PSD: variants seen among roughly 807,000 people sequenced by gnomAD.
The protein encoded by PSD is PH and SEC7 domain-containing protein 1.
Under a neutral mutation model 91.6 loss-of-function variants are expected in PSD, and 32 were observed. The observed-to-expected ratio is 0.35, with a 90% CI of 0.26 to 0.47. The LOEUF (loss-of-function observed/expected upper bound fraction) is 0.47, where lower values mean the gene tolerates loss of function less well. Among genes scored for constraint, PSD ranks in the 20% least tolerant of loss-of-function variants. The probability of loss-of-function intolerance (pLI) is 1.00; values close to 1 mark genes in which losing one functional copy is unlikely to be tolerated. For missense variants in PSD, 1,099 were observed against 1,373.9 expected, an observed-to-expected ratio of 0.80 and a Z score of 3.16; for synonymous variants, 532 against 569.3, an observed-to-expected ratio of 0.93 and a Z score of 0.93.
At chr10:102,408,925 G>A in intron 10 of PSD, 1 of 987,574 alleles carries the variant, frequency 1.0e-6, no homozygotes, top group Non-Finnish European at 1.2e-6. Context: ...TCTGCAGGCG[G>A]CTGACCACCA....
Position 102,405,389 on chromosome 10 carries a change from C to T in PSD, c.2283G>A (p.Gly761=), listed in dbSNP as rs137901601. 8.1e-6 allele frequency: 13 copies of T among 1,613,622 alleles called. No individual in the cohort carries two copies. The highest frequency in any genetic ancestry group is 1.1e-5 in the South Asian group (1 of 91,090). ...PEPGAAVYKH[G]ALVRKVHADP... ...CTGCGTGCACCTTTCGCACCAGGGC[C>T]CCGTGCTTGTAGACGGCAGCCCCAG... The change falls in exon 12 of 17, where the codon GGG becomes GGA. Residue 761 remains glycine (G), a synonymous_variant. Transcript: ENST00000020673. The surrounding 1 kb of genome is among the most constrained non-coding windows in gnomAD (Gnocchi z 5.4).
Position 102,403,920 on chromosome 10 carries a change from C to T in PSD, c.2766G>A (p.Arg922=), listed in dbSNP as rs2061321511. ...KAMASELREH[R]AAQLGKKGRG... The stretch of plus-strand genomic sequence containing the variant: ...GGCCCTTCTTGCCCAGCTGGGCGGC[C>T]CGGTGCTCCCGCAGCTCACTTGCCA... Residue 922 remains arginine, a synonymous_variant, in exon 16 of 17, where the codon CGG becomes CGA. Transcript: ENST00000020673. The surrounding 1 kb of genome is among the most constrained non-coding windows in gnomAD (Gnocchi z 6.7). 6.3e-7 allele frequency: 1 copy of T among 1,593,538 alleles called. No homozygotes were observed.
At chr10:102,408,850 G>T in intron 10 of PSD, 1 of 983,440 alleles carries the variant, frequency 1.0e-6, no homozygotes, top group Non-Finnish European at 1.2e-6. Flanking sequence ...CCGCCCCCTC[G>T]GTCGCCCCGC....
At chr10:102,413,717 G>T in intron 5 of PSD, 52 bp downstream of exon 5, 8 of 1,534,430 alleles carry the variant, frequency 5.2e-6, no homozygotes, top group Non-Finnish European at 7.1e-6. Context: ...TACAGCAGCT[G>T]TTTCTGGAGC....
intron 5 of PSD, among the ~76,000 whole-genome samples, chr10:102,412,791 C>G (rs928661314): frequency 3.9e-5 from 6 of 152,184 alleles, no homozygotes; most frequent in African/African-American, 1.4e-4. Flanking sequence ...CAAATCTAAC[C>G]CACATCCGTC....
At position 102,407,213 on chromosome 10, in the gene PSD, C is replaced by G; in HGVS notation, c.2135+10G>C. 1 of 1,602,412 alleles carries G rather than the reference C, an allele frequency of 6.2e-7. No homozygotes were observed. Among genetic ancestry groups the G allele is most frequent in the African/African-American group, 1.3e-5 (1 of 74,554 alleles). On this transcript the variant is annotated intron_variant, in intron 11 of 16. Transcript: ENST00000020673. ...CCATCCTAGCCCCACCACGCAGCCC[C>G]GGGACTCACATGGCCCACTGCAGCT...
intron 11 of PSD, 50 bp downstream of exon 11, chr10:102,407,173 C>A: frequency 6.5e-7 from 1 of 1,550,254 alleles, no homozygotes. Flanking sequence ...CCCCAGGCAG[C>A]CCCTTCCCCA....
Position 102,403,275 on chromosome 10 carries a change from G to A in PSD, c.3000C>T (p.Pro1000=), listed in dbSNP as rs1452244396. The part of the protein sequence containing the change: ...SHSSPSLQPK[P]SSQPRAQRHS... ...GACGCTGAGCCCGGGGCTGGCTGGA[G>A]GGTTTGGGCTGCAGGGAGGGACTGG... Residue 1000 remains proline, a synonymous_variant, in exon 17 of 17, where the codon CCC becomes CCT. Transcript: ENST00000020673. The surrounding 1 kb of genome is among the most constrained non-coding windows in gnomAD (Gnocchi z 6.7). The A allele has an allele frequency of 1.9e-6, 3 of 1,613,070 alleles. No homozygotes were observed. The highest frequency in any genetic ancestry group is 1.7e-6 in the Non-Finnish European group (2 of 1,179,376).
At position 102,403,145 on chromosome 10, in the gene PSD, A is replaced by T; in HGVS notation, c.*55T>A. The T allele has an allele frequency of 7.4e-7, 1 of 1,353,486 alleles. No homozygotes were observed. The highest frequency in any genetic ancestry group is 9.8e-7 in the Non-Finnish European group (1 of 1,023,464). The allele number at this position is 1,353,486 out of a possible 1,614,324, so 83.8% of individuals were successfully genotyped here. ...GCCCGAGGCCGGCCCGGGCTCAGGC[A>T]GGGCCATGTCATCCTTCAGGTGCCC... On this transcript the variant is annotated 3_prime_UTR_variant, in exon 17 of 17. Transcript: ENST00000020673. The surrounding 1 kb of genome is among the most constrained non-coding windows in gnomAD (Gnocchi z 6.7).
chr10:102,418,665 G>C (rs1041916102), intron 1 of PSD, 36 bp downstream of exon 1: 18 of 453,246 alleles, frequency 4.0e-5, no homozygotes, highest in Non-Finnish European at 6.7e-5. Context: ...GCGCATACCC[G>C]GTGCAGCCCC....
At chr10:102,407,713 C>T (rs1162880634) in intron 10 of PSD, among the ~76,000 whole-genome samples, 1 of 152,132 alleles carries the variant, frequency 6.6e-6, no homozygotes, top group Non-Finnish European at 1.5e-5. Context: ...CCACACATAG[C>T]ATATGGGGAA....
Position 102,403,183 on chromosome 10 carries a change from C to G in PSD, c.*17G>C. The G allele has an allele frequency of 6.7e-7, 1 of 1,493,196 alleles. No individual in the cohort carries two copies. The highest frequency in any genetic ancestry group is 9.0e-7 in the Non-Finnish European group (1 of 1,116,288). 92.5% of individuals were successfully genotyped at this position (1,493,196 alleles called of 1,614,324 possible). A position where few individuals can be genotyped will look rare whatever the true frequency, so the allele number is the denominator to read the frequency against. ...CCTTCAGGTGCCCAGCAGGCACTCC[C>G]CACCCTAAACCTCATCTCAGGGCTT... On this transcript the variant is annotated 3_prime_UTR_variant, in exon 17 of 17. Transcript: ENST00000020673. This position sits in a 1 kb window ranked among gnomAD's most constrained non-coding sequence, Gnocchi z 6.7.
In PSD at chr10:102,405,275, CA is replaced by C. The variant is rs764005570; in HGVS notation, c.2327-23del. Reference sequence around the variant, plus strand: ...GGTGCTGCGGGGAGAGAAGACAGGTCAGGGGGCCCTGGAACAGGCCCACTCC... The same window carrying C: ...GGTGCTGCGGGGAGAGAAGACAGGTCGGGGGCCCTGGAACAGGCCCACTCC... On this transcript the variant is annotated intron_variant, in intron 12 of 16. Transcript: ENST00000020673. The surrounding 1 kb of genome is among the most constrained non-coding windows in gnomAD (Gnocchi z 5.4). The C allele has an allele frequency of 3.1e-6, 5 of 1,610,046 alleles. No homozygotes were observed. The highest frequency in any genetic ancestry group is 2.2e-5 in the East Asian group (1 of 44,900).
Position 102,403,153 on chromosome 10 carries a change from GT to G in PSD, c.*46del, listed in dbSNP as rs1375435770. 2.1e-6 allele frequency: 3 copies of G among 1,398,180 alleles called. No homozygotes were observed. Among genetic ancestry groups the G allele is most frequent in the Admixed American group, 2.7e-5 (1 of 37,150 alleles). 86.6% of individuals were successfully genotyped at this position (1,398,180 alleles called of 1,614,324 possible). On this transcript the variant is annotated 3_prime_UTR_variant, in exon 17 of 17. Coordinates refer to ENST00000020673, the MANE Select transcript of PSD (RefSeq NM_002779.5). The surrounding 1 kb of genome is among the most constrained non-coding windows in gnomAD (Gnocchi z 6.7). ...CCGGCCCGGGCTCAGGCAGGGCCAT[GT>G]CATCCTTCAGGTGCCCAGCAGGCAC... is the stretch of plus-strand genomic sequence containing the variant.
Position 102,403,322 on chromosome 10 carries a change from C to T in PSD, c.2953G>A (p.Asp985Asn), listed in dbSNP as rs2061307944. Residue 985 changes from aspartate to asparagine, a missense_variant, in exon 17 of 17, where the codon GAT (aspartate) becomes AAT (asparagine). Asp to Asn is a conservative substitution (Grantham distance 23, BLOSUM62 1). Coordinates refer to ENST00000020673, the MANE Select transcript of PSD (RefSeq NM_002779.5). This position sits in a 1 kb window ranked among gnomAD's most constrained non-coding sequence, Gnocchi z 6.7. ...AALAQAGSTE[D>N]GLPPSHSSPS... ...CTGGAGTGAGAAGGAGGGAGTCCAT[C>T]CTCTGTGCTCCCGGCCTGGGCCAGT... The T allele has an allele frequency of 6.2e-7, 1 of 1,614,008 alleles. No individual in the cohort carries two copies. The highest frequency in any genetic ancestry group is 1.1e-5 in the South Asian group (1 of 91,090).
chr10:102,405,628 A>G lies in PSD; in HGVS notation c.2136-92T>C. The G allele has an allele frequency of 7.8e-7, 1 of 1,278,874 alleles. No individual in the cohort carries two copies. The highest frequency in any genetic ancestry group is 1.1e-6 in the Non-Finnish European group (1 of 938,790). The allele number at this position is 1,278,874 out of a possible 1,614,324, so 79.2% of individuals were successfully genotyped here. On this transcript the variant is annotated intron_variant, in intron 11 of 16. Coordinates refer to ENST00000020673, the MANE Select transcript of PSD (RefSeq NM_002779.5). The surrounding 1 kb of genome is among the most constrained non-coding windows in gnomAD (Gnocchi z 5.4). ...CTGCTCGCCCTGGAAAAGCTCCCCC[A>G]GTGTTTGTGGCTTGGGGGGCTCAAC... is the stretch of plus-strand genomic sequence containing the variant.
At chr10:102,407,677 C>A (rs1313176399) in intron 10 of PSD, among the ~76,000 whole-genome samples, 1 of 152,194 alleles carries the variant, frequency 6.6e-6, no homozygotes, top group Non-Finnish European at 1.5e-5. Context: ...CAACCACGCG[C>A]TCTGGCCTGT....
At chr10:102,418,082 C>T (rs879935819) in intron 1 of PSD, among the ~76,000 whole-genome samples, 39 of 151,528 alleles carry the variant, frequency 2.6e-4, no homozygotes, top group African/African-American at 8.0e-4. Context: ...CACACACACA[C>T]ACACACACGC....
rs1308192637 is a variant in PSD at position 102,411,114 on chromosome 10, C to T, written c.1945G>A (p.Gly649Ser). ...AGCGCACAGGTCAGCGTGTGGGCGC[C>T]GTCTAGGGGAGAGCTGACTTTCAGC... ...CNPEALSSEDGAHTLTCALML... is the reference protein window; with the variant it reads ...CNPEALSSEDSAHTLTCALML... The change falls in exon 9 of 17, where the codon GGC (glycine) becomes AGC (serine). Residue 649 changes from glycine to serine, a missense_variant and splice_region_variant. Physicochemically the swap from Gly to Ser is moderately conservative, Grantham distance 56. Around this residue, in one of 3 missense-constraint regions of PSD, gnomAD observed 110 missense variants for 218.7 expected, o/e 0.50. Transcript: ENST00000020673. The T allele has an allele frequency of 6.2e-7, 1 of 1,604,080 alleles. No homozygotes were observed. Among genetic ancestry groups the T allele is most frequent in the Non-Finnish European group, 8.5e-7 (1 of 1,172,542 alleles).
Sources: gnomAD v4.1 joint callset for allele counts (sites outside exome capture counted in the v4.1 genomes callset) on GRCh38, gnomAD v4.1.1 for gene constraint, gnomAD v4.1.1 regional missense constraint, Gnocchi (gnomAD v3.1) non-coding constraint, MANE v1.5 for transcripts, NCBI Gene and HGNC (gene_info 2026-07-23, HGNC 2026-07-21) for gene names.